Variants in NPIPB8 observed in about 807,000 individuals in gnomAD.
The protein encoded by NPIPB8 is nuclear pore complex interacting protein family member B8, also known as nuclear pore complex-interacting protein family member B8.
In NPIPB8, 3 loss-of-function variants were observed where a neutral mutation model predicts 5.3. The ratio of observed to expected loss-of-function variants is 0.57; its 90% CI spans 0.26 to 1.47. The LOEUF (loss-of-function observed/expected upper bound fraction) is 1.47, where lower values mean the gene tolerates loss of function less well. NPIPB8 is among the 40% of genes most tolerant of loss of function. The pLI is 0.13. For synonymous variants in NPIPB8, 18 were observed against 23.0 expected (o/e 0.78, Z 0.62); for missense variants, 50 against 50.2 (o/e 1.00, Z 0.01).
intron 2 of NPIPB8, 148 bp downstream of exon 2, chr16:28,638,628 T>A: frequency 7.4e-7 from 1 of 1,356,820 alleles, no homozygotes; most frequent in South Asian, 1.4e-5. Flanking sequence ...TACAAGTGGC[T>A]TAGGGATGGG....
intron 2 of NPIPB8, among the ~76,000 whole-genome samples, chr16:28,642,998 A>G (rs969615283): frequency 3.9e-5 from 6 of 152,126 alleles, no homozygotes; most frequent in Non-Finnish European, 8.8e-5. Context: ...GGCCTGTGGG[A>G]AGTTTAGCTG....
chr16:28,642,702 TG>T (rs1667548728), intron 2 of NPIPB8, among the ~76,000 whole-genome samples: 1 of 151,200 alleles, frequency 6.6e-6, no homozygotes, highest in African/African-American at 2.4e-5. Flanking sequence ...CAGGCTGGTC[TG>T]GAACTCCTGA....
chr16:28,652,930 A>T, intron 5 of NPIPB8, among the ~76,000 whole-genome samples: 1 of 120,482 alleles, frequency 8.3e-6, no homozygotes, highest in Non-Finnish European at 1.7e-5. Flanking sequence ...TAATTTTGAG[A>T]TAGAATCTCG....
At chr16:28,643,666 T>A (rs1203496298) in intron 2 of NPIPB8, among the ~76,000 whole-genome samples, 3 of 143,588 alleles carry the variant, frequency 2.1e-5, no homozygotes, top group East Asian at 2.1e-4. Flanking sequence ...TGTACCATGC[T>A]TGCTTAAAAT....
chr16:28,652,838 G>T (rs1429711723), intron 5 of NPIPB8, among the ~76,000 whole-genome samples: 1 of 136,628 alleles, frequency 7.3e-6, no homozygotes, highest in Non-Finnish European at 1.6e-5. Flanking sequence ...CTGACCTCAG[G>T]TAATCCACCT....
At chr16:28,641,293 G>A (rs899941637) in intron 2 of NPIPB8, among the ~76,000 whole-genome samples, 1 of 150,984 alleles carries the variant, frequency 6.6e-6, no homozygotes, top group South Asian at 2.1e-4. Context: ...AGTGGGGGTA[G>A]TGGGGGTAGT....
intron 1 of NPIPB8, 50 bp downstream of exon 1, chr16:28,638,200 T>A (rs1266737732): frequency 4.1e-6 from 5 of 1,221,732 alleles, no homozygotes; most frequent in Non-Finnish European, 5.5e-6. Flanking sequence ...AAATTCAAAG[T>A]ACAGGAATTT....
intron 2 of NPIPB8, among the ~76,000 whole-genome samples, chr16:28,640,078 G>A: frequency 6.6e-6 from 1 of 151,634 alleles, no homozygotes; most frequent in East Asian, 1.9e-4. Context: ...CTGAGGCTCA[G>A]AGACTGAAAG....
At chr16:28,639,164 A>G (rs1173353746) in intron 2 of NPIPB8, among the ~76,000 whole-genome samples, 1 of 146,998 alleles carries the variant, frequency 6.8e-6, no homozygotes, top group Admixed American at 6.8e-5. Flanking sequence ...TAAGAAATAC[A>G]TTCTATAGTA....
chr16:28,644,763 G>A (rs1311938113), intron 2 of NPIPB8: 6 of 538,278 alleles, frequency 1.1e-5, no homozygotes, highest in African/African-American at 6.9e-5. Flanking sequence ...AGGGGGCCGA[G>A]GTGGGCAGAT....
At chr16:28,641,832 G>A (rs3987700) in intron 2 of NPIPB8, among the ~76,000 whole-genome samples, 2 of 131,158 alleles carry the variant, frequency 1.5e-5, no homozygotes, top group African/African-American at 5.8e-5. Flanking sequence ...AAGGTGCCTG[G>A]CCATGCCTCC....
chr16:28,641,005 A>T (rs2047886182), intron 2 of NPIPB8, among the ~76,000 whole-genome samples: 1 of 151,974 alleles, frequency 6.6e-6, no homozygotes, highest in Non-Finnish European at 1.5e-5. Flanking sequence ...CACAGGTGAG[A>T]GTGCTCAGAT....
At chr16:28,642,137 A>G (rs190334152) in intron 2 of NPIPB8, among the ~76,000 whole-genome samples, 1,789 of 149,406 alleles carry the variant, frequency 0.012, 46 homozygotes, top group African/African-American at 0.042. Context: ...GTCTCATTCC[A>G]TTCTGTCACC....
intron 2 of NPIPB8, among the ~76,000 whole-genome samples, chr16:28,645,166 C>G: frequency 7.4e-6 from 1 of 135,360 alleles, no homozygotes; most frequent in Non-Finnish European, 1.6e-5. Flanking sequence ...GCCCCAGCCT[C>G]CTGAGTGGCT....
At chr16:28,642,466 C>A (rs1458887924) in intron 2 of NPIPB8, among the ~76,000 whole-genome samples, 2 of 150,520 alleles carry the variant, frequency 1.3e-5, no homozygotes, top group Admixed American at 6.6e-5. Flanking sequence ...GTTTTGTAAA[C>A]CCTGTTTTTT....
rs1396500958 is a variant in NPIPB8 at position 28,644,958 on chromosome 16, C to T, written c.121-3177C>T. Among the ~76,000 whole-genome samples the T allele has an allele frequency of 2.2e-4, 23 of 104,898 alleles. 1 individual carries two copies. The highest frequency in any genetic ancestry group is 3.2e-4 in the Non-Finnish European group (16 of 49,338). The allele number at this position is 104,898 out of a possible 152,430, so 68.8% of individuals were successfully genotyped here. A position where few individuals can be genotyped will look rare whatever the true frequency, so the allele number is the denominator to read the frequency against. On this transcript the variant is annotated intron_variant, in intron 2 of 7. Coordinates refer to ENST00000683297, the MANE Select transcript of NPIPB8 (RefSeq NM_001310136.2). ...ACGTTGCAGTGAGCTGAGATGGCCC[C>T]GCTGCACTCTTGTCTCTAACAAACA... is the stretch of plus-strand genomic sequence containing the variant.
chr16:28,642,867 A>C (rs1422341345), intron 2 of NPIPB8, among the ~76,000 whole-genome samples: 1 of 152,162 alleles, frequency 6.6e-6, no homozygotes, highest in East Asian at 1.9e-4. Flanking sequence ...TAGCATCAAT[A>C]GAATATTTCC....
intron 2 of NPIPB8, among the ~76,000 whole-genome samples, chr16:28,644,369 C>G (rs923372404): frequency 7.3e-5 from 8 of 109,952 alleles, no homozygotes; most frequent in Non-Finnish European, 1.3e-4. Context: ...CCTCCTCCAC[C>G]TCCTCCAGGT....
At chr16:28,651,173 C>T (rs1302832029) in intron 3 of NPIPB8, among the ~76,000 whole-genome samples, 7 of 22,012 alleles carry the variant, frequency 3.2e-4, no homozygotes, top group Admixed American at 2.1e-3. Context: ...TTAGTAGAGA[C>T]GGGGTTTCAC....
Sources: gnomAD v4.1 joint callset for allele counts (sites outside exome capture counted in the v4.1 genomes callset) on GRCh38, gnomAD v4.1.1 for gene constraint, MANE v1.5 for transcripts, NCBI Gene and HGNC (gene_info 2026-07-23, HGNC 2026-07-21) for gene names.